Variants in SYN3 observed in about 807,000 individuals in gnomAD.
The protein encoded by SYN3 is synapsin-3.
In SYN3, 35 loss-of-function variants were observed where a neutral mutation model predicts 65.8. That is an observed-to-expected ratio of 0.53 (90% confidence interval 0.41 to 0.70). The LOEUF (loss-of-function observed/expected upper bound fraction) is 0.70, where lower values mean the gene tolerates loss of function less well. Among genes scored for constraint, SYN3 ranks in the 30% least tolerant of loss-of-function variants. The pLI, the probability that SYN3 is intolerant of heterozygous loss-of-function variation, is 0.00. For missense variants in SYN3, 680 were observed against 749.0 expected, an observed-to-expected ratio of 0.91 and a Z score of 1.08; for synonymous variants, 270 against 292.9, an observed-to-expected ratio of 0.92 and a Z score of 0.80.
chr22:32,694,118 T>C (rs1212369327), intron 6 of SYN3, among the ~76,000 whole-genome samples: 1 of 152,126 alleles, frequency 6.6e-6, no homozygotes, highest in Non-Finnish European at 1.5e-5. Flanking sequence ...TTTCTCTCTT[T>C]CTAATGATTT....
At chr22:33,038,310 T>A (rs1209530346) in intron 1 of SYN3, among the ~76,000 whole-genome samples, 1 of 152,320 alleles carries the variant, frequency 6.6e-6, no homozygotes, top group African/African-American at 2.4e-5. Flanking sequence ...TGCTGTCACT[T>A]GCAGGCAAGG....
chr22:32,963,675 A>T (rs1297165836), intron 3 of SYN3, among the ~76,000 whole-genome samples: 1 of 152,084 alleles, frequency 6.6e-6, no homozygotes, highest in African/African-American at 2.4e-5. Context: ...TCTCATGGGG[A>T]CCACTAAGCA....
At chr22:32,568,583 C>T (rs528178937) in intron 7 of SYN3, among the ~76,000 whole-genome samples, 2 of 152,220 alleles carry the variant, frequency 1.3e-5, no homozygotes, top group Non-Finnish European at 1.5e-5. Flanking sequence ...CTGATTTATT[C>T]CTGTAACCTC....
intron 1 of SYN3, among the ~76,000 whole-genome samples, chr22:33,033,237 G>A (rs544165830): frequency 2.6e-5 from 4 of 152,166 alleles, no homozygotes; most frequent in African/African-American, 9.6e-5. Context: ...CTGACTTCAG[G>A]TGATCCACCC....
intron 7 of SYN3, among the ~76,000 whole-genome samples, chr22:32,568,030 G>T (rs2058697627): frequency 6.6e-6 from 1 of 152,194 alleles, no homozygotes; most frequent in African/African-American, 2.4e-5. Flanking sequence ...GCTGCATAAA[G>T]TCCTCTGGAT....
chr22:32,712,396 G>A (rs904169390), intron 6 of SYN3, among the ~76,000 whole-genome samples: 4 of 152,188 alleles, frequency 2.6e-5, no homozygotes, highest in African/African-American at 4.8e-5. Flanking sequence ...TTCATGGGAC[G>A]TGTCTAGGGT....
At chr22:33,052,656 G>T (rs963118338) in intron 1 of SYN3, among the ~76,000 whole-genome samples, 1 of 151,462 alleles carries the variant, frequency 6.6e-6, no homozygotes, top group Non-Finnish European at 1.5e-5. Flanking sequence ...CTCCAGCTCT[G>T]CTCCTCAAAT....
At position 33,006,677 on chromosome 22, in the gene SYN3, G is replaced by A. The variant is rs376653202; in HGVS notation, c.-15C>T. On this transcript the variant is annotated 5_prime_UTR_variant, in exon 2 of 14. Coordinates refer to ENST00000358763, the MANE Select transcript of SYN3 (RefSeq NM_003490.4). ...AGGAAATTCATGGCTGTGGATGGAT[G>A]GAGATGACTGGCTCCTACCCAGACG... is the stretch of plus-strand genomic sequence containing the variant. 2.8e-5 allele frequency: 43 copies of A among 1,558,886 alleles called. No homozygotes were observed. Among genetic ancestry groups the A allele is most frequent in the Admixed American group, 3.7e-5 (2 of 54,174 alleles).
intron 1 of SYN3, chr22:33,015,240 AAAC>A: frequency 4.4e-6 from 2 of 451,524 alleles, no homozygotes; most frequent in African/African-American, 2.3e-5. Context: ...AAAAAAAAAA[AAAC>A]TACTGTATCT....
At chr22:32,732,019 C>T (rs573036613) in intron 6 of SYN3, among the ~76,000 whole-genome samples, 56 of 152,310 alleles carry the variant, frequency 3.7e-4, no homozygotes, top group Middle Eastern at 6.8e-3. Flanking sequence ...AGCTTAACAT[C>T]GTGATCAGCA....
rs58760989 is a variant in SYN3 at position 32,519,015 on chromosome 22, G to A, written c.1319-681C>T. 2.8e-3 allele frequency among the ~76,000 whole-genome samples: 423 copies of A among 152,268 alleles called. 2 individuals carry two copies. The highest frequency in any genetic ancestry group is 9.7e-3 in the African/African-American group (402 of 41,544). On this transcript the variant is annotated intron_variant, in intron 12 of 13. Coordinates refer to ENST00000358763, the MANE Select transcript of SYN3 (RefSeq NM_003490.4). ...CCCAGGTACAGAAGAAAGGACACAC[G>A]AGGATACACAAAGAAGGCTGCCATC...
intron 6 of SYN3, among the ~76,000 whole-genome samples, chr22:32,706,667 A>C (rs1000712161): frequency 6.6e-6 from 1 of 152,182 alleles, no homozygotes; most frequent in Non-Finnish European, 1.5e-5. Context: ...GAGAAGGGAG[A>C]CTCAGAAAGA....
intron 6 of SYN3, among the ~76,000 whole-genome samples, chr22:32,807,340 A>T (rs5749514): frequency 9.8e-4 from 5 of 5,098 alleles, no homozygotes; most frequent in African/African-American, 1.9e-3. Flanking sequence ...ATTTATATAT[A>T]ATATATAAAT....
chr22:32,931,278 A>T, intron 4 of SYN3, 112 bp downstream of exon 4: 1 of 717,938 alleles, frequency 1.4e-6, no homozygotes, highest in Admixed American at 2.0e-5. Context: ...TCTGTACAGG[A>T]AAGTACATGT....
At chr22:32,590,373 A>C (rs2059111789) in intron 7 of SYN3, among the ~76,000 whole-genome samples, 1 of 152,204 alleles carries the variant, frequency 6.6e-6, no homozygotes, top group African/African-American at 2.4e-5. Context: ...TGCTATATGT[A>C]GTTGTAGTTC....
intron 6 of SYN3, among the ~76,000 whole-genome samples, chr22:32,693,318 T>G (rs1229752160): frequency 6.6e-5 from 10 of 152,098 alleles, no homozygotes; most frequent in Non-Finnish European, 1.3e-4. Flanking sequence ...GCAGGTAGTG[T>G]AGAGAGCGTG....
In SYN3 at chr22:32,596,717, G is replaced by A. The variant is rs754823504; in HGVS notation, c.731C>T (p.Pro244Leu). The A allele has an allele frequency of 1.8e-5, 29 of 1,613,952 alleles. No homozygotes were observed. Among genetic ancestry groups the A allele is most frequent in the African/African-American group, 6.7e-5 (5 of 75,008 alleles). Residue 244 changes from proline (P) to leucine (L), a missense_variant, in exon 7 of 14, where the codon CCG becomes CTG. Coordinates refer to ENST00000358763, the MANE Select transcript of SYN3 (RefSeq NM_003490.4). ...HKPMVTAPHF[P>L]VVVKLGHAHA... The stretch of plus-strand genomic sequence containing the variant: ...GGCATGTCCCAGCTTGACTACCACC[G>A]GGAAGTGTGGGGCTGTGACCTGAAA...
At chr22:32,728,672 T>C (rs1167225998) in intron 6 of SYN3, among the ~76,000 whole-genome samples, 8 of 152,192 alleles carry the variant, frequency 5.3e-5, no homozygotes. Context: ...GATGGGTGTG[T>C]TAACAGGATG....
rs538949435 is a variant in SYN3 at position 32,790,380 on chromosome 22, T to C, written c.711+74535A>G. 4.4e-3 allele frequency among the ~76,000 whole-genome samples: 658 copies of C among 150,772 alleles called. 4 individuals carry two copies. Among genetic ancestry groups the C allele is most frequent in the Non-Finnish European group, 8.0e-3 (542 of 67,794 alleles). Reference sequence around the variant, plus strand: ...AGTGTTCATTAATATAATTTATTAGTTATAACATTATATAATTAAATTAAA... The same window carrying C: ...AGTGTTCATTAATATAATTTATTAGCTATAACATTATATAATTAAATTAAA... On this transcript the variant is annotated intron_variant, in intron 6 of 13. Coordinates refer to ENST00000358763, the MANE Select transcript of SYN3 (RefSeq NM_003490.4).
Sources: allele counts gnomAD v4.1 joint callset (sites outside exome capture counted in the v4.1 genomes callset), GRCh38; gene constraint gnomAD v4.1.1; transcripts MANE v1.5; gene names NCBI Gene and HGNC (gene_info 2026-07-23, HGNC 2026-07-21).